Variants in RAD21 observed in about 807,000 individuals in gnomAD.
RAD21 encodes RAD21 cohesin complex component.
In RAD21, 18 loss-of-function variants were observed where a neutral mutation model predicts 71.5. The ratio of observed to expected loss-of-function variants is 0.25; its 90% CI spans 0.17 to 0.37. The LOEUF is 0.37. Among genes scored for constraint, RAD21 ranks in the 10% least tolerant of loss-of-function variants. RAD21 has a pLI of 1.00. For synonymous variants in RAD21, 248 were observed against 254.0 expected, an observed-to-expected ratio of 0.98 and a Z score of 0.22; for missense variants, 493 against 769.1, an observed-to-expected ratio of 0.64 and a Z score of 4.25.
chr8:116,874,566 G>A (rs1047478256), intron 1 of RAD21, 45 bp downstream of exon 1: 1 of 315,246 alleles, frequency 3.2e-6, no homozygotes, highest in African/African-American at 2.2e-5. Flanking sequence ...GAAAGGGTGG[G>A]GGGAGGGAGC....
In RAD21 at chr8:116,847,518, T is replaced by C. The variant is rs1249963538; in HGVS notation, c.1878A>G (p.Pro626=). 1 of 1,610,800 alleles carries C rather than the reference T, an allele frequency of 6.2e-7. No individual in the cohort carries two copies. The highest frequency in any genetic ancestry group is 1.1e-5 in the South Asian group (1 of 90,402). ...TAGCTCCTTATATAATATGGAACCTTGGTCCAGGTGTTGCGATGATGTCAC... is the reference window on the plus strand; with the variant it reads ...TAGCTCCTTATATAATATGGAACCTCGGTCCAGGTGTTGCGATGATGTCAC... ...PYSDIIATPG[P]RFHII Residue 626 remains proline, a synonymous_variant, in exon 14 of 14, where the codon CCA becomes CCG. Coordinates refer to ENST00000297338, the MANE Select transcript of RAD21 (RefSeq NM_006265.3).
chr8:116,857,541 CTAA>C (rs1235891281), intron 5 of RAD21, 68 bp from the exon 6 acceptor site: 4 of 1,257,782 alleles, frequency 3.2e-6, no homozygotes, highest in Non-Finnish European at 4.5e-6. Context: ...AAGAAAACTG[CTAA>C]TGATTTATTC....
Position 116,851,933 on chromosome 8 carries a change from G to T in RAD21, c.1470+15C>A. 6.3e-7 allele frequency: 1 copy of T among 1,599,382 alleles called. No individual in the cohort carries two copies. Among genetic ancestry groups the T allele is most frequent in the Non-Finnish European group, 8.6e-7 (1 of 1,169,204 alleles). ...ATACCTTCAAATGACTTAATGGATA[G>T]ATTTGCTTACTTACAGGCATCACAG... On this transcript the variant is annotated intron_variant, in intron 11 of 13. Coordinates refer to ENST00000297338, the MANE Select transcript of RAD21 (RefSeq NM_006265.3).
chr8:116,849,203 GTC>G, intron 12 of RAD21, 174 bp from the exon 13 acceptor site: 1 of 462,842 alleles, frequency 2.2e-6, no homozygotes, highest in Non-Finnish European at 3.8e-6. Context: ...AAACTGAAGA[GTC>G]TGTTTTTCTT....
intron 1 of RAD21, among the ~76,000 whole-genome samples, chr8:116,869,153 G>T (rs773750434): frequency 6.6e-6 from 1 of 152,046 alleles, no homozygotes; most frequent in Non-Finnish European, 1.5e-5. Context: ...TTTGCTCTAC[G>T]AAAGAAATGC....
intron 13 of RAD21, 26 bp from the exon 14 acceptor site, chr8:116,847,717 C>T: frequency 6.3e-7 from 1 of 1,590,730 alleles, no homozygotes; most frequent in Non-Finnish European, 8.6e-7. Context: ...AAAAGGGTAA[C>T]TTAATCTGTA....
chr8:116,847,728 TAATAAAG>T (rs1266433082), intron 13 of RAD21, 37 bp from the exon 14 acceptor site: 7 of 1,546,142 alleles, frequency 4.5e-6, no homozygotes, highest in Admixed American at 1.8e-5. Flanking sequence ...TTAATCTGTA[TAATAAAG>T]TAGTAATTCA....
intron 2 of RAD21, 51 bp downstream of exon 2, chr8:116,866,535 A>AT: frequency 6.5e-7 from 1 of 1,534,182 alleles, no homozygotes; most frequent in Non-Finnish European, 8.8e-7. Flanking sequence ...TCTATTTCAC[A>AT]TATCAATAAA....
chr8:116,861,118 A>C lies in RAD21; in HGVS notation c.374+723T>G, dbSNP rs542552626. On this transcript the variant is annotated intron_variant, in intron 4 of 13. Coordinates refer to ENST00000297338, the MANE Select transcript of RAD21 (RefSeq NM_006265.3). ...AGCTAGATAGAGCCTAGAACTAATC[A>C]ACACACATGCAGTAACAAAATAGGT... Among the ~76,000 whole-genome samples, 13 of 152,256 alleles carry C rather than the reference A, an allele frequency of 8.5e-5. No homozygotes were observed. In the East Asian group the frequency reaches 2.3e-3, roughly 27 times the overall value.
chr8:116,870,827 C>T (rs2130492827), intron 1 of RAD21, among the ~76,000 whole-genome samples: 1 of 152,292 alleles, frequency 6.6e-6, no homozygotes, highest in Non-Finnish European at 1.5e-5. Flanking sequence ...CAAGTGATCT[C>T]ATAATTGGCA....
At chr8:116,871,729 CT>C (rs1425158649) in intron 1 of RAD21, among the ~76,000 whole-genome samples, 2 of 152,172 alleles carry the variant, frequency 1.3e-5, no homozygotes, top group Non-Finnish European at 2.9e-5. Flanking sequence ...CCTAAGAAAA[CT>C]TACTAAGCAC....
chr8:116,856,562 C>A, intron 7 of RAD21, 84 bp downstream of exon 7: 1 of 1,389,406 alleles, frequency 7.2e-7, no homozygotes, highest in Admixed American at 2.5e-5. Flanking sequence ...AAAACTACAA[C>A]TTTTAGTTTG....
chr8:116,870,620 A>C (rs537139269), intron 1 of RAD21, among the ~76,000 whole-genome samples: 87 of 152,340 alleles, frequency 5.7e-4, no homozygotes, highest in Middle Eastern at 3.4e-3. Flanking sequence ...AAATCTAGAG[A>C]ACTTTACAGA....
chr8:116,857,820 G>C (rs1307415561), intron 5 of RAD21, among the ~76,000 whole-genome samples: 1 of 152,142 alleles, frequency 6.6e-6, no homozygotes, highest in South Asian at 2.1e-4. Flanking sequence ...ATCAAGAAAA[G>C]AATCTGGTTC....
At chr8:116,860,098 A>G (rs1812558388) in intron 4 of RAD21, among the ~76,000 whole-genome samples, 1 of 152,204 alleles carries the variant, frequency 6.6e-6, no homozygotes, top group African/African-American at 2.4e-5. Context: ...TATGGTGGAA[A>G]AAGCAAGAGA....
At chr8:116,856,145 T>A in intron 8 of RAD21, 21 bp downstream of exon 8, 2 of 1,605,564 alleles carry the variant, frequency 1.2e-6, no homozygotes, top group Non-Finnish European at 1.7e-6. Context: ...GCTGTATAAA[T>A]CTAAAGGTTC....
intron 4 of RAD21, among the ~76,000 whole-genome samples, chr8:116,859,241 T>C (rs1348398166): frequency 6.6e-6 from 1 of 152,170 alleles, no homozygotes; most frequent in Non-Finnish European, 1.5e-5. Context: ...CAAAGGTTTG[T>C]GGTAACAGTG....
Position 116,858,454 on chromosome 8 carries a change from T to C in RAD21, c.379A>G (p.Ile127Val). 2 of 1,610,610 alleles carry C rather than the reference T, an allele frequency of 1.2e-6. No homozygotes were observed. The highest frequency in any genetic ancestry group is 1.3e-5 in the African/African-American group (1 of 74,974). The stretch of plus-strand genomic sequence containing the variant: ...AAGCTGAACTGCTGGGCCACATCGA[T>C]GTCACTTTAAAAGAAGGTCAAATAC... ...FDQPLPDLDD[I>V]DVAQQFSLNQ... The change falls in exon 5 of 14, where the codon ATC becomes GTC. Residue 127 changes from isoleucine to valine, a missense_variant. Transcript: ENST00000297338.
Position 116,854,567 on chromosome 8 carries a change from A to G in RAD21, c.938-99T>C, listed in dbSNP as rs189917709. 927 of 875,304 alleles carry G rather than the reference A, an allele frequency of 1.1e-3. 1 individual carries two copies. Among genetic ancestry groups the G allele is most frequent in the Middle Eastern group, 1.8e-3 (6 of 3,352 alleles). 54.2% of individuals were successfully genotyped at this position (875,304 alleles called of 1,614,324 possible). A position where few individuals can be genotyped will look rare whatever the true frequency, so the allele number is the denominator to read the frequency against. On this transcript the variant is annotated intron_variant, in intron 8 of 13. Transcript: ENST00000297338. Reference sequence around the variant, plus strand: ...TGACTATATTCCCCTGCTTTTCTACACACAGACTCTAGCAGAGAAGTTAAA... The same window carrying G: ...TGACTATATTCCCCTGCTTTTCTACGCACAGACTCTAGCAGAGAAGTTAAA...
Sources: allele counts gnomAD v4.1 joint callset (sites outside exome capture counted in the v4.1 genomes callset), GRCh38; gene constraint gnomAD v4.1.1; transcripts MANE v1.5; gene names NCBI Gene and HGNC (gene_info 2026-07-23, HGNC 2026-07-21).